Variants in PDLIM1 observed in about 807,000 individuals in gnomAD.
PDLIM1 encodes the protein PDZ and LIM domain protein 1.
PDLIM1 carries 25 observed loss-of-function variants against 35.2 expected under a neutral mutation model. The observed-to-expected ratio is 0.71, with a 90% confidence interval of 0.52 to 0.99. PDLIM1 has a LOEUF of 0.99. Ranked by LOEUF, PDLIM1 falls within the 50% of genes least tolerant of loss-of-function variation. PDLIM1 has a pLI of 0.00. For synonymous variants in PDLIM1, 152 were observed against 154.0 expected (o/e 0.99, Z 0.10); for missense variants, 363 against 415.3 (o/e 0.87, Z 1.09).
intron 5 of PDLIM1, among the ~76,000 whole-genome samples, chr10:95,243,182 A>C (rs1187388394): frequency 6.6e-6 from 1 of 152,194 alleles, no homozygotes; most frequent in African/African-American, 2.4e-5. Flanking sequence ...GCCCAACAGA[A>C]GACTCACTGT....
Position 95,247,512 on chromosome 10 carries a change from C to G in PDLIM1, c.534-146G>C, listed in dbSNP as rs2035232172. On this transcript the variant is annotated intron_variant, in intron 4 of 6. Transcript: ENST00000329399. ...CTCTCCTAAATCAGCCACAGACCTG[C>G]TGCCAGCACAGTGAAACTGAGATGT... 4.9e-6 allele frequency: 3 copies of G among 617,616 alleles called. No individual in the cohort carries two copies. In the South Asian group the frequency reaches 7.0e-5, roughly 14 times the overall value. The allele number at this position is 617,616 out of a possible 1,614,324, so 38.3% of individuals were successfully genotyped here. A position where few individuals can be genotyped will look rare whatever the true frequency, so the allele number is the denominator to read the frequency against.
At chr10:95,239,241 A>G (rs183860452) in intron 5 of PDLIM1, among the ~76,000 whole-genome samples, 58 of 152,338 alleles carry the variant, frequency 3.8e-4, no homozygotes, top group Admixed American at 7.2e-4. Flanking sequence ...AAAACTATAA[A>G]AACACTACAA....
chr10:95,243,788 A>G (rs1253194358), intron 5 of PDLIM1, among the ~76,000 whole-genome samples: 1 of 152,146 alleles, frequency 6.6e-6, no homozygotes, highest in Non-Finnish European at 1.5e-5. Context: ...AATGGAAAGA[A>G]TTTCTGACAC....
intron 5 of PDLIM1, among the ~76,000 whole-genome samples, chr10:95,242,574 C>G (rs45605435): frequency 0.063 from 9,491 of 151,800 alleles, 425 homozygotes; most frequent in South Asian, 0.19. Context: ...GTAGTCCCAG[C>G]TACTTGGGAG....
intron 5 of PDLIM1, among the ~76,000 whole-genome samples, chr10:95,246,937 G>A (rs1363916003): frequency 2.0e-5 from 3 of 152,152 alleles, no homozygotes; most frequent in Non-Finnish European, 4.4e-5. Context: ...CAGCAGTCAG[G>A]CTCACCCCAA....
intron 5 of PDLIM1, among the ~76,000 whole-genome samples, chr10:95,240,950 C>A (rs1322742242): frequency 6.6e-6 from 1 of 152,132 alleles, no homozygotes; most frequent in East Asian, 1.9e-4. Flanking sequence ...TTGCTGGGCC[C>A]CACCCCCAGA....
chr10:95,263,586 A>G (rs1483751496), intron 4 of PDLIM1, among the ~76,000 whole-genome samples: 3 of 152,230 alleles, frequency 2.0e-5, no homozygotes, highest in African/African-American at 7.2e-5. Context: ...AGAAATCAAA[A>G]CACAAATAAA....
chr10:95,262,578 C>A (rs552210399), intron 4 of PDLIM1, among the ~76,000 whole-genome samples: 1 of 152,148 alleles, frequency 6.6e-6, no homozygotes, highest in Non-Finnish European at 1.5e-5. Flanking sequence ...CAGGAATGCA[C>A]GCTCCAGCTG....
At chr10:95,263,772 T>G in intron 4 of PDLIM1, 92 bp downstream of exon 4, 1 of 838,418 alleles carries the variant, frequency 1.2e-6, no homozygotes, top group Admixed American at 2.6e-5. Flanking sequence ...CTCCCTGGAG[T>G]AGTGGCTCTT....
At chr10:95,262,023 A>G (rs1378168593) in intron 4 of PDLIM1, among the ~76,000 whole-genome samples, 1 of 148,516 alleles carries the variant, frequency 6.7e-6, no homozygotes. Context: ...AAAAAAAAAA[A>G]GAAAGAAAGA....
rs1429355034 is a variant in PDLIM1 at position 95,273,093 on chromosome 10, C to G, written c.97-1309G>C. On this transcript the variant is annotated intron_variant, in intron 1 of 6. Transcript: ENST00000329399. Reference sequence around the variant, plus strand: ...GTTAGATTTTCTAAACTAAGGTATACTAAAAATATTACTGTCATCATCCCA... The same window carrying G: ...GTTAGATTTTCTAAACTAAGGTATAGTAAAAATATTACTGTCATCATCCCA... 6 of 152,282 alleles carry G rather than the reference C, an allele frequency of 3.9e-5. No individual in the cohort carries two copies. The East Asian group carries it at 1.2e-3, about 29-fold the overall frequency. The allele number at this position is 152,282 out of a possible 1,614,324, so 9.4% of individuals were successfully genotyped here.
chr10:95,280,751 G>C (rs2035554617), intron 1 of PDLIM1, among the ~76,000 whole-genome samples: 1 of 152,178 alleles, frequency 6.6e-6, no homozygotes, highest in Non-Finnish European at 1.5e-5. Flanking sequence ...TTTGTGGACA[G>C]GACTACAGGT....
chr10:95,264,120 TGGGCAGTGCA>T, intron 3 of PDLIM1, 57 bp from the exon 4 acceptor site: 2 of 1,466,594 alleles, frequency 1.4e-6, no homozygotes, highest in Non-Finnish European at 9.5e-7. Context: ...AACCCCTTGA[TGGGCAGTGCA>T]GGCTGAGCGC....
intron 1 of PDLIM1, among the ~76,000 whole-genome samples, chr10:95,289,924 G>GT (rs2035637160): frequency 6.6e-6 from 1 of 152,218 alleles, no homozygotes; most frequent in African/African-American, 2.4e-5. Flanking sequence ...ACATCAACCT[G>GT]TGTTTGGCCA....
In PDLIM1 at chr10:95,290,893, A is replaced by G; in HGVS notation, c.23T>C (p.Leu8Pro). 1 of 1,562,504 alleles carries G rather than the reference A, an allele frequency of 6.4e-7. No homozygotes were observed. The highest frequency in any genetic ancestry group is 8.7e-7 in the Non-Finnish European group (1 of 1,153,998). The change falls in exon 1 of 7, where the codon CTC becomes CCC. Residue 8 changes from leucine (L) to proline (P), a missense_variant. Coordinates refer to ENST00000329399, the MANE Select transcript of PDLIM1 (RefSeq NM_020992.4). The surrounding 1 kb of genome is among the most constrained non-coding windows in gnomAD (Gnocchi z 4.7). Reference protein sequence around the residue: MTTQQIDLQGPGPWGFRL... With the variant: MTTQQIDPQGPGPWGFRL... ...GAAGCCCCACGGCCCCGGGCCCTGG[A>G]GGTCTATCTGCTGGGTGGTCATGGC...
chr10:95,261,902 G>C lies in PDLIM1; in HGVS notation c.533+1962C>G, dbSNP rs571871542. On this transcript the variant is annotated intron_variant, in intron 4 of 6. Transcript: ENST00000329399. ...GCATGCCTGTAATCCCAGCTACTCG[G>C]GAGGCTGATGCAGAAGAATCGCTTG... Among the ~76,000 whole-genome samples, 8 of 152,178 alleles carry C rather than the reference G, an allele frequency of 5.3e-5. No homozygotes were observed. The South Asian group carries it at 1.7e-3, about 32-fold the overall frequency.
intron 4 of PDLIM1, among the ~76,000 whole-genome samples, chr10:95,257,104 A>G (rs2035323072): frequency 6.6e-6 from 1 of 151,850 alleles, no homozygotes; most frequent in South Asian, 2.1e-4. Context: ...CTAAAAGAAA[A>G]CATAGGGGGT....
intron 3 of PDLIM1, among the ~76,000 whole-genome samples, chr10:95,265,648 C>T (rs1447641061): frequency 2.0e-5 from 3 of 150,630 alleles, no homozygotes; most frequent in African/African-American, 7.4e-5. Context: ...GGTGCAGTGG[C>T]TCACGCCTGT....
intron 1 of PDLIM1, among the ~76,000 whole-genome samples, chr10:95,281,521 A>T (rs1256614242): frequency 3.9e-5 from 6 of 152,218 alleles, no homozygotes; most frequent in Admixed American, 2.6e-4. Context: ...TAGCTATGAT[A>T]GCACCACTAC....
Sources: allele counts gnomAD v4.1 joint callset (sites outside exome capture counted in the v4.1 genomes callset), GRCh38; gene constraint gnomAD v4.1.1; non-coding constraint Gnocchi (gnomAD v3.1); transcripts MANE v1.5; gene names NCBI Gene and HGNC (gene_info 2026-07-23, HGNC 2026-07-21).